LUZP2: variants seen among roughly 807,000 people sequenced by gnomAD.
LUZP2 encodes the protein leucine zipper protein 2.
Under a neutral mutation model 51.6 loss-of-function variants are expected in LUZP2, and 52 were observed. The ratio of observed to expected loss-of-function variants is 1.01; its 90% CI spans 0.81 to 1.27. The LOEUF is 1.27. Among genes scored for constraint, LUZP2 ranks in the 50% most tolerant of loss-of-function variants. LUZP2 has a pLI of 0.00. For missense variants in LUZP2, 436 were observed against 395.4 expected, an observed-to-expected ratio of 1.10 and a Z score of -0.87; for synonymous variants, 154 against 137.3, an observed-to-expected ratio of 1.12 and a Z score of -0.85.
intron 5 of LUZP2, among the ~76,000 whole-genome samples, chr11:24,889,762 A>G (rs1219104984): frequency 1.3e-5 from 2 of 152,206 alleles, no homozygotes; most frequent in African/African-American, 4.8e-5. Flanking sequence ...TCTGGCAATG[A>G]CATTTAGCTT....
rs1478595563 is a variant in LUZP2, at chr11:25,079,475, G to A, written c.*817G>A. 2 of 152,086 alleles carry A rather than the reference G, an allele frequency of 1.3e-5. No homozygotes were observed. The highest frequency in any genetic ancestry group is 1.9e-4 in the East Asian group (1 of 5,194). The allele number at this position is 152,086 out of a possible 1,614,324, so 9.4% of individuals were successfully genotyped here. ...TTCTAAAATACAAATATGAAAGCAG[G>A]TAATATATATCACAAAACAGGGGTC... On this transcript the variant is annotated 3_prime_UTR_variant, in exon 12 of 12. Transcript: ENST00000336930.
At chr11:24,498,320 T>A (rs1430855250) in intron 1 of LUZP2, among the ~76,000 whole-genome samples, 1 of 152,188 alleles carries the variant, frequency 6.6e-6, no homozygotes, top group African/African-American at 2.4e-5. Context: ...AGTAGGGATA[T>A]AGGGTTGTTT....
At chr11:25,054,104 G>T (rs1314616374) in intron 10 of LUZP2, among the ~76,000 whole-genome samples, 1 of 152,072 alleles carries the variant, frequency 6.6e-6, no homozygotes, top group African/African-American at 2.4e-5. Flanking sequence ...CTTTCACTTA[G>T]GTAGCTTGTC....
chr11:25,010,236 T>C (rs1369641742), intron 9 of LUZP2, among the ~76,000 whole-genome samples: 1 of 152,216 alleles, frequency 6.6e-6, no homozygotes, highest in East Asian at 1.9e-4. Context: ...TTTAAGAATC[T>C]ATGCTCTCTA....
At chr11:24,766,568 C>T (rs1343865181) in intron 5 of LUZP2, among the ~76,000 whole-genome samples, 3 of 152,000 alleles carry the variant, frequency 2.0e-5, no homozygotes, top group Non-Finnish European at 2.9e-5. Context: ...AAGACTTTTC[C>T]CCTGCATTGA....
In LUZP2 at chr11:24,498,903, T is replaced by G. The variant is rs908964215; in HGVS notation, c.62+1598T>G. ...AGTGATTTTAGACTGTGAACATCTC[T>G]AGAGTTCCAAAAGTACATTTGCTTT... is the stretch of plus-strand genomic sequence containing the variant. On this transcript the variant is annotated intron_variant, in intron 1 of 11. Transcript: ENST00000336930. 5.3e-4 allele frequency among the ~76,000 whole-genome samples: 80 copies of G among 152,206 alleles called. 1 individual carries two copies. Among genetic ancestry groups the G allele is most frequent in the Admixed American group, 5.2e-3 (80 of 15,272 alleles).
At chr11:24,958,919 T>G (rs1172293461) in intron 7 of LUZP2, among the ~76,000 whole-genome samples, 1 of 152,204 alleles carries the variant, frequency 6.6e-6, no homozygotes, top group Non-Finnish European at 1.5e-5. Flanking sequence ...CCATCTTGAA[T>G]TGATTTTTAT....
At chr11:24,599,649 T>C (rs1853555388) in intron 1 of LUZP2, among the ~76,000 whole-genome samples, 1 of 152,194 alleles carries the variant, frequency 6.6e-6, no homozygotes, top group Non-Finnish European at 1.5e-5. Context: ...GTTGTTATTT[T>C]GTTTATTGTC....
intron 1 of LUZP2, among the ~76,000 whole-genome samples, chr11:24,503,147 T>G (rs749564091): frequency 1.2e-3 from 187 of 152,350 alleles, no homozygotes; most frequent in Middle Eastern, 6.8e-3. Context: ...AAAATAGCTT[T>G]AGTGGTTGTT....
chr11:24,753,541 G>A (rs944798867), intron 4 of LUZP2, among the ~76,000 whole-genome samples: 10 of 152,122 alleles, frequency 6.6e-5, no homozygotes, highest in African/African-American at 2.4e-4. Context: ...AGATGTACAC[G>A]CCTTCTGTTT....
chr11:24,570,113 A>C (rs1156414387), intron 1 of LUZP2, among the ~76,000 whole-genome samples: 2 of 152,014 alleles, frequency 1.3e-5, no homozygotes, highest in Non-Finnish European at 2.9e-5. Context: ...TTATTCAGAT[A>C]TTTTTAAGCA....
intron 10 of LUZP2, among the ~76,000 whole-genome samples, chr11:25,065,207 C>T (rs529393500): frequency 1.3e-5 from 2 of 152,068 alleles, no homozygotes; most frequent in South Asian, 4.1e-4. Context: ...CTGGGTTGTT[C>T]TCTACCATGT....
At chr11:25,002,018 T>C (rs1856695721) in intron 9 of LUZP2, among the ~76,000 whole-genome samples, 1 of 152,226 alleles carries the variant, frequency 6.6e-6, no homozygotes, top group Non-Finnish European at 1.5e-5. Context: ...TTCCCTGTGG[T>C]ATTTAATGGG....
chr11:24,973,058 G>GCTTTT (rs1554948257), intron 7 of LUZP2, among the ~76,000 whole-genome samples: 1 of 135,546 alleles, frequency 7.4e-6, no homozygotes, highest in East Asian at 2.1e-4. Context: ...CTGGTCCTGG[G>GCTTTT]TTTTTTTTTT....
chr11:24,662,782 A>G (rs1856064248), intron 1 of LUZP2, among the ~76,000 whole-genome samples: 1 of 152,222 alleles, frequency 6.6e-6, no homozygotes, highest in African/African-American at 2.4e-5. Context: ...GGCTTCAGGA[A>G]AAAATATTTA....
At chr11:24,679,457 C>T (rs892677850) in intron 1 of LUZP2, among the ~76,000 whole-genome samples, 1 of 152,040 alleles carries the variant, frequency 6.6e-6, no homozygotes, top group Non-Finnish European at 1.5e-5. Context: ...CTAGACCTTA[C>T]TGTATGACAG....
At chr11:24,524,677 C>G (rs879565263) in intron 1 of LUZP2, among the ~76,000 whole-genome samples, 1 of 151,666 alleles carries the variant, frequency 6.6e-6, no homozygotes, top group Non-Finnish European at 1.5e-5. Flanking sequence ...AAGTGATTTA[C>G]GTAATTATGA....
chr11:24,918,220 T>G (rs140427921), intron 7 of LUZP2, among the ~76,000 whole-genome samples: 1 of 152,158 alleles, frequency 6.6e-6, no homozygotes, highest in Non-Finnish European at 1.5e-5. Flanking sequence ...GCTTATCAGC[T>G]TATGGAGATT....
At chr11:25,049,168 C>T (rs1232181145) in intron 9 of LUZP2, among the ~76,000 whole-genome samples, 2 of 152,112 alleles carry the variant, frequency 1.3e-5, no homozygotes, top group African/African-American at 2.4e-5. Context: ...TAGTTTTCCT[C>T]GACCCCTAAT....
Sources: allele counts gnomAD v4.1 joint callset (sites outside exome capture counted in the v4.1 genomes callset), GRCh38; gene constraint gnomAD v4.1.1; transcripts MANE v1.5; gene names NCBI Gene and HGNC (gene_info 2026-07-23, HGNC 2026-07-21).